The following LRRFIP2 variants were observed in gnomAD, a reference collection of about 807,000 sequenced individuals.
The protein encoded by LRRFIP2 is leucine-rich repeat flightless-interacting protein 2.
LRRFIP2 carries 109 observed loss-of-function variants against 125.9 expected under a neutral mutation model. The observed-to-expected ratio is 0.87, with a 90% CI of 0.74 to 1.01. The LOEUF is 1.01. LRRFIP2 is among the 50% of genes least tolerant of loss of function. The pLI is 0.00. For missense variants in LRRFIP2, 850 were observed against 862.3 expected, an observed-to-expected ratio of 0.99 and a Z score of 0.18; for synonymous variants, 291 against 293.1, an observed-to-expected ratio of 0.99 and a Z score of 0.07.
chr3:37,071,256 TG>T (rs1416174291), intron 21 of LRRFIP2, among the ~76,000 whole-genome samples: 2 of 152,240 alleles, frequency 1.3e-5, no homozygotes, highest in Admixed American at 1.3e-4. Context: ...ATCACTCTAT[TG>T]CTTAGGCTGG....
At chr3:37,093,191 C>A (rs2093554202) in intron 17 of LRRFIP2, 1 of 153,176 alleles carries the variant, frequency 6.5e-6, no homozygotes, top group South Asian at 2.1e-4. Context: ...TCTGTAACCG[C>A]TTGTGATCAA....
At chr3:37,127,957 A>C (rs532686147) in intron 3 of LRRFIP2, among the ~76,000 whole-genome samples, 18 of 152,250 alleles carry the variant, frequency 1.2e-4, no homozygotes, top group African/African-American at 4.3e-4. Context: ...GATCTCACTT[A>C]GTTGCCCAGG....
intron 2 of LRRFIP2, among the ~76,000 whole-genome samples, chr3:37,136,602 C>T (rs968268319): frequency 6.6e-6 from 1 of 151,922 alleles, no homozygotes; most frequent in Admixed American, 6.6e-5. Context: ...TTGGAAAATG[C>T]TAAGTTAAAC....
intron 26 of LRRFIP2, 152 bp downstream of exon 26, chr3:37,054,934 T>C (rs1253580743): frequency 1.7e-6 from 1 of 576,518 alleles, no homozygotes; most frequent in East Asian, 3.3e-5. Flanking sequence ...AAGGCTAAAA[T>C]GTCCCAACAA....
upstream of LRRFIP2, chr3:37,174,651 C>T (rs1375448217): frequency 1.3e-5 from 2 of 152,118 alleles, no homozygotes; most frequent in Admixed American, 1.3e-4. Context: ...AAAGCAATCA[C>T]TTATAAACCA....
At chr3:37,160,016 A>G (rs1378185641) in intron 1 of LRRFIP2, among the ~76,000 whole-genome samples, 1 of 148,932 alleles carries the variant, frequency 6.7e-6, no homozygotes, top group Non-Finnish European at 1.5e-5. Context: ...AAAAAAAAAA[A>G]AAAATTCACT....
chr3:37,144,894 T>C (rs577998787), intron 2 of LRRFIP2, among the ~76,000 whole-genome samples: 1 of 152,178 alleles, frequency 6.6e-6, no homozygotes, highest in African/African-American at 2.4e-5. Context: ...ATACAAAATT[T>C]GAGAAAGTAA....
At chr3:37,054,852 ATGATCTTGAATTCTCC>A (rs2148579815) in intron 26 of LRRFIP2, among the ~76,000 whole-genome samples, 1 of 151,524 alleles carries the variant, frequency 6.6e-6, no homozygotes, top group East Asian at 1.9e-4. Context: ...ATTACAAATG[ATGATCTTGAATTCTCC>A]TGAAATATCT....
chr3:37,133,606 A>G (rs113033942), intron 2 of LRRFIP2, among the ~76,000 whole-genome samples: 1,712 of 152,298 alleles, frequency 0.011, 21 homozygotes, highest in South Asian at 0.04. Flanking sequence ...ATTCATACAG[A>G]CAGAAAGCAC....
chr3:37,059,660 G>A (rs753932178), intron 24 of LRRFIP2, among the ~76,000 whole-genome samples: 1 of 151,902 alleles, frequency 6.6e-6, no homozygotes, highest in Non-Finnish European at 1.5e-5. Context: ...GGTGGCACGC[G>A]CATGTAGTCC....
intron 1 of LRRFIP2, among the ~76,000 whole-genome samples, chr3:37,169,303 TA>T (rs1226298445): frequency 6.6e-6 from 1 of 152,218 alleles, no homozygotes; most frequent in African/African-American, 2.4e-5. Context: ...ACCACAATTT[TA>T]AAAACAAAAC....
intron 2 of LRRFIP2, among the ~76,000 whole-genome samples, chr3:37,139,021 G>A (rs144802949): frequency 4.7e-4 from 71 of 152,268 alleles, no homozygotes; most frequent in South Asian, 1.7e-3. Flanking sequence ...TAACAGAGCC[G>A]GCTCCTGTGA....
chr3:37,122,239 A>T (rs539397288), intron 4 of LRRFIP2, among the ~76,000 whole-genome samples: 1 of 152,026 alleles, frequency 6.6e-6, no homozygotes, highest in East Asian at 1.9e-4. Flanking sequence ...CCTACAAAGG[A>T]CATGAACTCA....
chr3:37,134,552 G>T (rs2095510025), intron 2 of LRRFIP2: 1 of 444,142 alleles, frequency 2.3e-6, no homozygotes, highest in East Asian at 5.3e-5. Context: ...GGCAGAGCCG[G>T]TATGAGATGA....
chr3:37,130,053 A>G (rs1276762418), intron 2 of LRRFIP2, among the ~76,000 whole-genome samples: 1 of 152,216 alleles, frequency 6.6e-6, no homozygotes, highest in Non-Finnish European at 1.5e-5. Flanking sequence ...AGGATGTGCA[A>G]TCATCATGAC....
At position 37,054,372 on chromosome 3, in the gene LRRFIP2, T is replaced by G. The variant is rs1216541063; in HGVS notation, c.2055+39A>C. The stretch of plus-strand genomic sequence containing the variant: ...TTATTTCCAGAAGATTTTTTCTTTT[T>G]AGGAATGTATTCTCCAAGAAACATA... On this transcript the variant is annotated intron_variant, in intron 27 of 27. Transcript: ENST00000336686. The G allele has an allele frequency of 8.7e-6, 13 of 1,488,114 alleles. No individual in the cohort carries two copies. The Admixed American group carries it at 2.0e-4, about 23-fold the overall frequency. 92.2% of individuals were successfully genotyped at this position (1,488,114 alleles called of 1,614,324 possible). A position where few individuals can be genotyped will look rare whatever the true frequency, so the allele number is the denominator to read the frequency against.
chr3:37,102,267 G>T (rs2094102358), intron 15 of LRRFIP2, among the ~76,000 whole-genome samples: 1 of 152,052 alleles, frequency 6.6e-6, no homozygotes. Context: ...ATTGGGAAAT[G>T]ACATGACATG....
intron 5 of LRRFIP2, 26 bp downstream of exon 5, chr3:37,121,609 A>G: frequency 6.2e-7 from 1 of 1,613,966 alleles, no homozygotes; most frequent in Non-Finnish European, 8.5e-7. Context: ...AAAGTATTAG[A>G]GGCAAGTGTA....
At chr3:37,082,285 T>C (rs2092706816) in intron 19 of LRRFIP2, among the ~76,000 whole-genome samples, 1 of 152,204 alleles carries the variant, frequency 6.6e-6, no homozygotes. Flanking sequence ...TATAATGCTC[T>C]TCAATGGGCC....
Sources: gnomAD v4.1 joint callset for allele counts (sites outside exome capture counted in the v4.1 genomes callset) on GRCh38, gnomAD v4.1.1 for gene constraint, MANE v1.5 for transcripts, NCBI Gene and HGNC (gene_info 2026-07-23, HGNC 2026-07-21) for gene names.